The following EPHX2 variants were observed in gnomAD, a reference collection of about 807,000 sequenced individuals.
EPHX2 encodes the protein bifunctional epoxide hydrolase 2.
A neutral mutation model predicts 78.7 loss-of-function variants in EPHX2; 74 were observed. That is an observed-to-expected ratio of 0.94 (90% confidence interval 0.78 to 1.14). The LOEUF (loss-of-function observed/expected upper bound fraction) is 1.14, where lower values mean the gene tolerates loss of function less well. Ranked by LOEUF, EPHX2 falls within the 50% of genes most tolerant of loss-of-function variation. EPHX2 has a pLI of 0.00. For missense variants in EPHX2, 715 were observed against 702.5 expected (o/e 1.02, Z -0.20); for synonymous variants, 251 against 255.2 (o/e 0.98, Z 0.16).
downstream of EPHX2, among the ~76,000 whole-genome samples, chr8:27,548,362 T>C (rs185731005): frequency 1.3e-5 from 2 of 152,330 alleles, no homozygotes; most frequent in African/African-American, 4.8e-5. Context: ...CCAACAGGAA[T>C]TGGGTGACAA....
At chr8:27,525,116 G>A (rs73679222) in intron 11 of EPHX2, among the ~76,000 whole-genome samples, 10 of 151,082 alleles carry the variant, frequency 6.6e-5, no homozygotes, top group South Asian at 2.1e-4. Flanking sequence ...GTGCGCGCGC[G>A]CGCGCGCACC....
chr8:27,534,331 G>A (rs1015295892), intron 12 of EPHX2, among the ~76,000 whole-genome samples: 1 of 152,146 alleles, frequency 6.6e-6, no homozygotes, highest in African/African-American at 2.4e-5. Context: ...CAGAGCTCTC[G>A]TGAGGAGTGA....
chr8:27,528,420 G>A (rs1814920289), intron 12 of EPHX2, among the ~76,000 whole-genome samples: 4 of 152,120 alleles, frequency 2.6e-5, no homozygotes, highest in African/African-American at 9.7e-5. Context: ...CACTCACAGG[G>A]GTTCCTGCCA....
At chr8:27,512,014 C>A in intron 6 of EPHX2, 104 bp downstream of exon 6, 1 of 1,178,472 alleles carries the variant, frequency 8.5e-7, no homozygotes, top group Non-Finnish European at 1.3e-6. Context: ...ATCACCTGAA[C>A]CTGAGCCTGG....
chr8:27,536,001 G>C (rs868314033), intron 12 of EPHX2, among the ~76,000 whole-genome samples: 1 of 152,182 alleles, frequency 6.6e-6, no homozygotes, highest in Non-Finnish European at 1.5e-5. Context: ...AGCAAGTTCA[G>C]GTCAGAGAAT....
At chr8:27,507,661 T>A (rs190289368) in intron 5 of EPHX2, among the ~76,000 whole-genome samples, 1 of 152,330 alleles carries the variant, frequency 6.6e-6, no homozygotes, top group East Asian at 1.9e-4. Flanking sequence ...GCACAGCCAT[T>A]GCCTCAAAGG....
Position 27,501,396 on chromosome 8 carries a change from T to TTCTTCCTTCTTCCTTCTTC in EPHX2, c.186+386_186+387insTCTTCCTTCTTCCTTCTTC, listed in dbSNP as rs1563340511. ...TCTTCTTCTTCTTCTTCTTCTTCTT[T>TTCTTCCTTCTTCCTTCTTC]CTTCTTTCTTCTTTCTTCTTTTTCT... is the stretch of plus-strand genomic sequence containing the variant. On this transcript the variant is annotated intron_variant, in intron 2 of 18. Transcript: ENST00000521400. 1.2e-3 allele frequency among the ~76,000 whole-genome samples: 154 copies of TTCTTCCTTCTTCCTTCTTC among 129,252 alleles called. 3 individuals carry two copies. Among genetic ancestry groups the TTCTTCCTTCTTCCTTCTTC allele is most frequent in the African/African-American group, 4.1e-3 (143 of 34,480 alleles). The allele number at this position is 129,252 out of a possible 152,430, so 84.8% of individuals were successfully genotyped here. A position where few individuals can be genotyped will look rare whatever the true frequency, so the allele number is the denominator to read the frequency against.
intron 9 of EPHX2, among the ~76,000 whole-genome samples, chr8:27,519,051 A>G (rs1352953403): frequency 1.3e-5 from 2 of 152,214 alleles, no homozygotes; most frequent in Non-Finnish European, 1.5e-5. Flanking sequence ...CCAAAAACAA[A>G]CAAGATGGTG....
At chr8:27,520,997 G>A in intron 10 of EPHX2, 88 bp downstream of exon 10, 1 of 1,563,314 alleles carries the variant, frequency 6.4e-7, no homozygotes, top group Non-Finnish European at 8.8e-7. Flanking sequence ...GAGCAGAGGT[G>A]CACGGGCAGG....
chr8:27,518,647 G>A (rs1187236074), intron 9 of EPHX2, among the ~76,000 whole-genome samples: 2 of 152,244 alleles, frequency 1.3e-5, no homozygotes, highest in African/African-American at 4.8e-5. Flanking sequence ...CCCCCAGGTT[G>A]GCTGGGGAAC....
At chr8:27,512,557 G>A (rs371594387) in intron 6 of EPHX2, among the ~76,000 whole-genome samples, 2 of 152,230 alleles carry the variant, frequency 1.3e-5, no homozygotes, top group African/African-American at 2.4e-5. Context: ...GCCCTGGCTC[G>A]TGGCCTGGCT....
At chr8:27,491,363 C>T (rs1482012246) in intron 1 of EPHX2, 54 bp downstream of exon 1, 2 of 1,302,930 alleles carry the variant, frequency 1.5e-6, no homozygotes, top group African/African-American at 1.6e-5. Flanking sequence ...GGAGGCAGAC[C>T]GCGCTGGGCT....
At chr8:27,536,998 T>C in intron 13 of EPHX2, 143 bp downstream of exon 13, 2 of 758,120 alleles carry the variant, frequency 2.6e-6, no homozygotes, top group Non-Finnish European at 4.1e-6. Context: ...AGGTCCTCAC[T>C]CTACTGGGAA....
chr8:27,523,534 C>G (rs1814721633), intron 11 of EPHX2, among the ~76,000 whole-genome samples: 1 of 152,114 alleles, frequency 6.6e-6, no homozygotes, highest in Non-Finnish European at 1.5e-5. Flanking sequence ...CCTAACTAAC[C>G]CAGTTATTTT....
chr8:27,517,574 G>A (rs2132749259), intron 8 of EPHX2, among the ~76,000 whole-genome samples: 1 of 152,326 alleles, frequency 6.6e-6, no homozygotes, highest in East Asian at 1.9e-4. Context: ...AGAATAGAAA[G>A]CCCAGCAGTT....
At chr8:27,504,759 C>T (rs537806489) in intron 3 of EPHX2, among the ~76,000 whole-genome samples, 197 bp from the exon 4 acceptor site, 12 of 152,284 alleles carry the variant, frequency 7.9e-5, no homozygotes, top group Non-Finnish European at 1.8e-4. Flanking sequence ...GAACCCAGCT[C>T]ATGCTTGTGT....
chr8:27,510,666 G>C (rs1347189453), intron 5 of EPHX2, among the ~76,000 whole-genome samples: 1 of 152,146 alleles, frequency 6.6e-6, no homozygotes, highest in Non-Finnish European at 1.5e-5. Flanking sequence ...AAGAAGGAGA[G>C]ATTAAGCACA....
At chr8:27,529,443 C>A (rs1488219025) in intron 12 of EPHX2, among the ~76,000 whole-genome samples, 1 of 152,184 alleles carries the variant, frequency 6.6e-6, no homozygotes, top group Admixed American at 6.5e-5. Context: ...CCATTATGCC[C>A]CCCATACCAG....
chr8:27,528,062 A>C (rs909102395), intron 12 of EPHX2, among the ~76,000 whole-genome samples: 3 of 152,098 alleles, frequency 2.0e-5, no homozygotes, highest in African/African-American at 7.2e-5. Context: ...AAGCAGAGAG[A>C]GGAGGGACAA....
Sources: gnomAD v4.1 joint callset for allele counts (sites outside exome capture counted in the v4.1 genomes callset) on GRCh38, gnomAD v4.1.1 for gene constraint, MANE v1.5 for transcripts, NCBI Gene and HGNC (gene_info 2026-07-23, HGNC 2026-07-21) for gene names.